Variants in CRACDL observed in about 807,000 individuals in gnomAD.
CRACDL encodes CRACD-like protein.
In CRACDL, 26 loss-of-function variants were observed where a neutral mutation model predicts 70.6. The observed-to-expected ratio is 0.37, with a 90% CI of 0.27 to 0.51. The LOEUF is 0.51. Among genes scored for constraint, CRACDL ranks in the 20% least tolerant of loss-of-function variants. The probability of loss-of-function intolerance (pLI) is 0.94; values close to 1 mark genes in which losing one functional copy is unlikely to be tolerated. For synonymous variants in CRACDL, 618 were observed against 615.2 expected, an observed-to-expected ratio of 1.00 and a Z score of -0.07; for missense variants, 1,283 against 1,376.9, an observed-to-expected ratio of 0.93 and a Z score of 1.08.
At chr2:98,796,094 T>C (rs1703806667) in intron 9 of CRACDL, 26 bp downstream of exon 9, 3 of 1,601,640 alleles carry the variant, frequency 1.9e-6, no homozygotes, top group Non-Finnish European at 2.6e-6. Flanking sequence ...TTTCAAAGTA[T>C]GTGGTAATGT....
chr2:98,870,419 A>G (rs1392218971), intron 1 of CRACDL, among the ~76,000 whole-genome samples: 1 of 152,244 alleles, frequency 6.6e-6, no homozygotes, highest in Admixed American at 6.5e-5. Flanking sequence ...CAGTGAGTTC[A>G]GAGGAGAGCT....
intron 1 of CRACDL, among the ~76,000 whole-genome samples, chr2:98,891,206 G>A (rs1486485114): frequency 3.3e-5 from 5 of 150,642 alleles, no homozygotes; most frequent in Admixed American, 6.6e-5. Context: ...TGATGAAACC[G>A]TCTCTACTAA....
chr2:98,863,051 T>A (rs1322030403), intron 1 of CRACDL, among the ~76,000 whole-genome samples: 1 of 152,124 alleles, frequency 6.6e-6, no homozygotes, highest in Non-Finnish European at 1.5e-5. Flanking sequence ...AACATCCATT[T>A]AGCTCAATGA....
intron 1 of CRACDL, among the ~76,000 whole-genome samples, chr2:98,874,892 T>G (rs1210959778): frequency 6.6e-6 from 1 of 152,086 alleles, no homozygotes; most frequent in African/African-American, 2.4e-5. Context: ...GAAGGCAACC[T>G]AGGCTCACCC....
At chr2:98,796,055 C>A in intron 9 of CRACDL, 65 bp downstream of exon 9, 1 of 1,545,782 alleles carries the variant, frequency 6.5e-7, no homozygotes, top group Non-Finnish European at 8.9e-7. Flanking sequence ...AACCAAAACT[C>A]AAACTGCAGG....
chr2:98,804,270 C>T (rs1704199466), intron 7 of CRACDL, among the ~76,000 whole-genome samples: 2 of 152,200 alleles, frequency 1.3e-5, no homozygotes, highest in South Asian at 4.1e-4. Flanking sequence ...GTCCCAGTTC[C>T]ACCTTAAATT....
intron 1 of CRACDL, among the ~76,000 whole-genome samples, chr2:98,930,803 T>G (rs1292876301): frequency 6.6e-6 from 1 of 152,164 alleles, no homozygotes; most frequent in East Asian, 1.9e-4. Context: ...GGAACATTAT[T>G]AGTAGGGGTC....
At chr2:98,807,955 C>T (rs1704387475) in intron 7 of CRACDL, among the ~76,000 whole-genome samples, 1 of 152,204 alleles carries the variant, frequency 6.6e-6, no homozygotes, top group Non-Finnish European at 1.5e-5. Flanking sequence ...TGAAACAGTG[C>T]TGCCCAGTAA....
At position 98,887,195 on chromosome 2, in the gene CRACDL, T is replaced by C. The variant is rs148187113; in HGVS notation, c.-10-40385A>G. Among the ~76,000 whole-genome samples the C allele has an allele frequency of 5.0e-3, 765 of 152,032 alleles. 4 individuals carry two copies. The highest frequency in any genetic ancestry group is 7.7e-3 in the Non-Finnish European group (525 of 67,986). The stretch of plus-strand genomic sequence containing the variant: ...TTTAAGGCATCGAAAAAAATAACAA[T>C]GAAGAAAAATGGCTTGGCACAGTGG... On this transcript the variant is annotated intron_variant, in intron 1 of 9. Transcript: ENST00000397899.
chr2:98,829,406 G>A (rs556489930), intron 5 of CRACDL, among the ~76,000 whole-genome samples: 1 of 152,164 alleles, frequency 6.6e-6, no homozygotes, highest in East Asian at 1.9e-4. Flanking sequence ...AGATCTTGGG[G>A]TCCAGAAAGA....
chr2:98,818,784 C>T (rs377609835), intron 7 of CRACDL, among the ~76,000 whole-genome samples: 31 of 152,280 alleles, frequency 2.0e-4, no homozygotes, highest in East Asian at 1.2e-3. Context: ...GGTCTGACAG[C>T]GCAGACCCTG....
At chr2:98,850,811 C>T (rs181408896) in intron 1 of CRACDL, among the ~76,000 whole-genome samples, 17 of 152,146 alleles carry the variant, frequency 1.1e-4, no homozygotes, top group Non-Finnish European at 1.8e-4. Context: ...GTGGGGGCCG[C>T]CCCACTCCCT....
chr2:98,869,393 C>T (rs1707263356), intron 1 of CRACDL: 14 of 687,898 alleles, frequency 2.0e-5, no homozygotes, highest in South Asian at 6.3e-5. Context: ...AATGCACTTC[C>T]GCCTTCCACT....
chr2:98,871,629 C>T (rs1707349502), intron 1 of CRACDL, among the ~76,000 whole-genome samples: 1 of 152,210 alleles, frequency 6.6e-6, no homozygotes, highest in African/African-American at 2.4e-5. Flanking sequence ...TGTATCAAAA[C>T]CTGCTGCTCT....
intron 7 of CRACDL, among the ~76,000 whole-genome samples, chr2:98,814,409 A>G (rs1704700572): frequency 6.6e-6 from 1 of 152,068 alleles, no homozygotes; most frequent in East Asian, 1.9e-4. Context: ...TGATCCATGG[A>G]TTATATAGTG....
At chr2:98,933,781 A>G (rs539552809) in intron 1 of CRACDL, among the ~76,000 whole-genome samples, 1 of 152,302 alleles carries the variant, frequency 6.6e-6, no homozygotes, top group Admixed American at 6.5e-5. Flanking sequence ...TTTAACCAAG[A>G]GCATCCCTGA....
chr2:98,814,975 CTTT>C (rs1170336864), intron 7 of CRACDL, among the ~76,000 whole-genome samples: 1 of 151,946 alleles, frequency 6.6e-6, no homozygotes, highest in African/African-American at 2.4e-5. Flanking sequence ...CTGAAGTCTT[CTTT>C]GTGTTATATG....
chr2:98,877,002 G>A (rs973956426), intron 1 of CRACDL, among the ~76,000 whole-genome samples: 7 of 152,172 alleles, frequency 4.6e-5, no homozygotes, highest in Non-Finnish European at 7.3e-5. Context: ...ATGCAACACC[G>A]GCACATCCAT....
intron 1 of CRACDL, among the ~76,000 whole-genome samples, chr2:98,933,640 AC>A (rs1709137974): frequency 6.6e-6 from 1 of 152,162 alleles, no homozygotes; most frequent in Non-Finnish European, 1.5e-5. Flanking sequence ...CAACTGCATG[AC>A]AAGGCACGGA....
Sources: allele counts gnomAD v4.1 joint callset (sites outside exome capture counted in the v4.1 genomes callset), GRCh38; gene constraint gnomAD v4.1.1; transcripts MANE v1.5; gene names NCBI Gene and HGNC (gene_info 2026-07-23, HGNC 2026-07-21).